CDKL1: variants seen among roughly 807,000 people sequenced by gnomAD.
The protein encoded by CDKL1 is cyclin dependent kinase like 1.
A neutral mutation model predicts 42.0 loss-of-function variants in CDKL1; 41 were observed. That is an observed-to-expected ratio of 0.98 (90% CI 0.76 to 1.27). The LOEUF is 1.27. Among genes scored for constraint, CDKL1 ranks in the 50% most tolerant of loss-of-function variants. The pLI is 0.00. For missense variants in CDKL1, 394 were observed against 428.4 expected, an observed-to-expected ratio of 0.92 and a Z score of 0.71; for synonymous variants, 153 against 158.6, an observed-to-expected ratio of 0.96 and a Z score of 0.26.
chr14:50,332,198 C>G (rs751065181), intron 9 of CDKL1, 64 bp downstream of exon 9: 2 of 1,614,146 alleles, frequency 1.2e-6, no homozygotes, highest in South Asian at 2.2e-5. Flanking sequence ...CAACTGCCAT[C>G]CTCAAGTCTA....
chr14:50,358,407 C>T (rs1015399248), intron 3 of CDKL1, among the ~76,000 whole-genome samples: 2 of 152,136 alleles, frequency 1.3e-5, no homozygotes, highest in African/African-American at 2.4e-5. Flanking sequence ...CTTCTACCTC[C>T]CTGGTCAGGC....
At chr14:50,377,088 G>A (rs1162264734) in intron 2 of CDKL1, among the ~76,000 whole-genome samples, 1 of 152,158 alleles carries the variant, frequency 6.6e-6, no homozygotes, top group Non-Finnish European at 1.5e-5. Context: ...TGTTTTAGTC[G>A]CCTCTTTTGT....
intron 3 of CDKL1, among the ~76,000 whole-genome samples, chr14:50,346,660 T>TTTG: frequency 6.7e-6 from 1 of 149,966 alleles, no homozygotes; most frequent in East Asian, 2.0e-4. Context: ...TGGTTTTTTT[T>TTTG]TTTTTTTTGA....
chr14:50,362,908 T>G (rs1049395961), intron 2 of CDKL1: 1 of 448,580 alleles, frequency 2.2e-6, no homozygotes, highest in Non-Finnish European at 4.7e-6. Flanking sequence ...CCATTCACAC[T>G]GTGGAAGCTT....
rs1376563038 is a variant in CDKL1 at position 50,344,450 on chromosome 14, A to G, written c.363+536T>C. On this transcript the variant is annotated intron_variant, in intron 4 of 9. Coordinates refer to ENST00000395834, the MANE Select transcript of CDKL1 (RefSeq NM_004196.7). The stretch of plus-strand genomic sequence containing the variant: ...TTCTAAGCAGTATAAATGTATGACT[A>G]ATTTTTTGTTCTTTGTGGTTTTTTT... Among the ~76,000 whole-genome samples the G allele has an allele frequency of 2.1e-5, 3 of 146,200 alleles. No individual in the cohort carries two copies. The Admixed American group carries it at 2.1e-4, about 10-fold the overall frequency.
intron 2 of CDKL1, among the ~76,000 whole-genome samples, chr14:50,369,715 T>C (rs1002532099): frequency 6.6e-6 from 1 of 151,186 alleles, no homozygotes. Context: ...GCCTCCTGGG[T>C]TCAAGCAATT....
intron 2 of CDKL1, among the ~76,000 whole-genome samples, chr14:50,379,391 C>T (rs1367434635): frequency 6.6e-6 from 1 of 152,122 alleles, no homozygotes; most frequent in Non-Finnish European, 1.5e-5. Context: ...GAAAGGAGCC[C>T]AGTGGCATCT....
At chr14:50,340,653 A>G (rs762074366) in intron 6 of CDKL1, among the ~76,000 whole-genome samples, 31 of 152,204 alleles carry the variant, frequency 2.0e-4, no homozygotes, top group Non-Finnish European at 3.8e-4. Context: ...GCAGGCTGGG[A>G]TTAAGGACAT....
intron 3 of CDKL1, among the ~76,000 whole-genome samples, chr14:50,355,945 A>C (rs1294876199): frequency 6.6e-6 from 1 of 152,212 alleles, no homozygotes; most frequent in African/African-American, 2.4e-5. Context: ...CTTGTATCTC[A>C]TGCTGGGGGG....
At chr14:50,369,862 G>A (rs1311228913) in intron 2 of CDKL1, among the ~76,000 whole-genome samples, 8 of 151,876 alleles carry the variant, frequency 5.3e-5, no homozygotes, top group African/African-American at 9.7e-5. Flanking sequence ...CAAGTGATCC[G>A]CCCACCCCAG....
intron 5 of CDKL1, among the ~76,000 whole-genome samples, chr14:50,341,714 G>A (rs1484339769): frequency 2.0e-5 from 3 of 151,214 alleles, no homozygotes; most frequent in Non-Finnish European, 4.4e-5. Context: ...TGGGGAGGTC[G>A]AGACTGTGGT....
intron 7 of CDKL1, 81 bp downstream of exon 7, chr14:50,338,866 G>T: frequency 1.1e-6 from 1 of 896,520 alleles, no homozygotes; most frequent in Non-Finnish European, 1.9e-6. Flanking sequence ...TGCAGGGTGA[G>T]CCATGGGGCT....
In CDKL1 at chr14:50,395,904, G is replaced by C. The variant is rs1168818443; in HGVS notation, c.-36C>G. The stretch of plus-strand genomic sequence containing the variant: ...TAAATCTTCTTAAAATGGATCTTCA[G>C]CCGAGAATGGTGGCTCACGCCTGTA... On this transcript the variant is annotated 5_prime_UTR_variant, in exon 2 of 10. Transcript: ENST00000395834. The C allele has an allele frequency of 6.2e-7, 1 of 1,602,332 alleles. No individual in the cohort carries two copies. Among genetic ancestry groups the C allele is most frequent in the Admixed American group, 1.7e-5 (1 of 59,880 alleles).
Position 50,395,944 on chromosome 14 carries a change from G to C in CDKL1, c.-76C>G, listed in dbSNP as rs1234326941. On this transcript the variant is annotated 5_prime_UTR_variant, in exon 2 of 10. Coordinates refer to ENST00000395834, the MANE Select transcript of CDKL1 (RefSeq NM_004196.7). ...TCACGCCTGTAATCCCAGCACTTTG[G>C]GAGGCTGAGGCGGGCAGATCACCTG... 1 of 1,379,104 alleles carries C rather than the reference G, an allele frequency of 7.3e-7. No individual in the cohort carries two copies. 85.4% of individuals were successfully genotyped at this position (1,379,104 alleles called of 1,614,324 possible).
intron 2 of CDKL1, among the ~76,000 whole-genome samples, chr14:50,389,609 T>A (rs1206276702): frequency 1.3e-5 from 2 of 152,106 alleles, no homozygotes; most frequent in Non-Finnish European, 2.9e-5. Context: ...TCACACTTAT[T>A]CTCATCTTTG....
chr14:50,358,034 G>T, intron 3 of CDKL1: 1 of 1,354,178 alleles, frequency 7.4e-7, no homozygotes, highest in Non-Finnish European at 9.9e-7. Flanking sequence ...CCTGCAAGAG[G>T]CTGCCCTCAA....
At chr14:50,333,837 A>T (rs992755202) in intron 8 of CDKL1, 3 of 151,746 alleles carry the variant, frequency 2.0e-5, no homozygotes, top group Non-Finnish European at 4.4e-5. Context: ...TAACTTGCAA[A>T]CATTTTAGTT....
At chr14:50,376,428 G>T (rs542176414) in intron 2 of CDKL1, 2 of 468,800 alleles carry the variant, frequency 4.3e-6, no homozygotes, top group African/African-American at 2.0e-5. Context: ...TCCTGTGGAG[G>T]CAAAAAATAT....
At chr14:50,348,102 A>C (rs1407026712) in intron 3 of CDKL1, among the ~76,000 whole-genome samples, 1 of 152,228 alleles carries the variant, frequency 6.6e-6, no homozygotes, top group African/African-American at 2.4e-5. Flanking sequence ...ACAGCAACAC[A>C]ATGTGGAATC....
Sources: gnomAD v4.1 joint callset for allele counts (sites outside exome capture counted in the v4.1 genomes callset) on GRCh38, gnomAD v4.1.1 for gene constraint, MANE v1.5 for transcripts, NCBI Gene and HGNC (gene_info 2026-07-23, HGNC 2026-07-21) for gene names.